RAB37: variants seen among roughly 807,000 people sequenced by gnomAD.
RAB37 encodes ras-related protein Rab-37.
In RAB37, 29 loss-of-function variants were observed where a neutral mutation model predicts 33.1. That is an observed-to-expected ratio of 0.88 (90% CI 0.65 to 1.20). RAB37 has a LOEUF of 1.20. Among genes scored for constraint, RAB37 ranks in the 50% most tolerant of loss-of-function variants. The pLI is 0.00. For missense variants in RAB37, 299 were observed against 301.1 expected (o/e 0.99, Z 0.05); for synonymous variants, 128 against 119.5 (o/e 1.07, Z -0.47).
intron 1 of RAB37, among the ~76,000 whole-genome samples, chr17:74,706,961 AT>A (rs1363346074): frequency 6.6e-6 from 1 of 152,234 alleles, no homozygotes; most frequent in Non-Finnish European, 1.5e-5. Context: ...CCGGACCTTT[AT>A]CTCACAACAT....
At chr17:74,720,097 C>A (rs1466096557) in intron 1 of RAB37, among the ~76,000 whole-genome samples, 1 of 152,106 alleles carries the variant, frequency 6.6e-6, no homozygotes, top group African/African-American at 2.4e-5. Flanking sequence ...GACCCTTTTG[C>A]AGGTAGGAAC....
At chr17:74,718,656 C>A (rs2034200838) in intron 1 of RAB37, among the ~76,000 whole-genome samples, 1 of 152,200 alleles carries the variant, frequency 6.6e-6, no homozygotes, top group Non-Finnish European at 1.5e-5. Context: ...CAGTGCAATG[C>A]ACCTCCTCAA....
chr17:74,704,766 C>T, intron 1 of RAB37: 1 of 1,614,156 alleles, frequency 6.2e-7, no homozygotes, highest in Non-Finnish European at 8.5e-7. Context: ...GAGCCCCGCT[C>T]CAAGCCATTC....
intron 1 of RAB37, among the ~76,000 whole-genome samples, chr17:74,680,454 G>T (rs2031930166): frequency 6.6e-6 from 1 of 152,122 alleles, no homozygotes; most frequent in Non-Finnish European, 1.5e-5. Flanking sequence ...ATTATAATCA[G>T]GAGATTTTTT....
intron 1 of RAB37, among the ~76,000 whole-genome samples, chr17:74,686,216 CA>C (rs1278440183): frequency 6.6e-6 from 1 of 152,060 alleles, no homozygotes; most frequent in Non-Finnish European, 1.5e-5. Context: ...CTCAGCATCC[CA>C]GGTAGCTGGG....
intron 4 of RAB37, 29 bp downstream of exon 4, chr17:74,743,224 C>T (rs1316579036): frequency 6.2e-7 from 1 of 1,613,670 alleles, no homozygotes; most frequent in South Asian, 1.1e-5. Context: ...CCAACCCCTA[C>T]CCCAGCCCCT....
Position 74,745,268 on chromosome 17 carries a change from C to CA in RAB37, c.567-37dup. The CA allele has an allele frequency of 6.3e-7, 1 of 1,595,056 alleles. No individual in the cohort carries two copies. The highest frequency in any genetic ancestry group is 8.6e-7 in the Non-Finnish European group (1 of 1,163,404). Reference sequence around the variant, plus strand: ...GGCGGCTCAGCTCCTCACCCCAGCCCAGCCCAGCCCAGCCCAGCCCATTGT... The same window carrying CA: ...GGCGGCTCAGCTCCTCACCCCAGCCCAAGCCCAGCCCAGCCCAGCCCATTGT... On this transcript the variant is annotated intron_variant, in intron 8 of 8. Transcript: ENST00000392613. This position sits in a 1 kb window ranked among gnomAD's most constrained non-coding sequence, Gnocchi z 4.5.
rs923183997 is a variant in RAB37, at chr17:74,728,755, T to C, written c.73-501T>C. Among the ~76,000 whole-genome samples the C allele has an allele frequency of 2.0e-5, 3 of 152,176 alleles. No individual in the cohort carries two copies. In the South Asian group the frequency reaches 6.2e-4, roughly 32 times the overall value. The stretch of plus-strand genomic sequence containing the variant: ...GTGTACATGTGTTTTTCTGTGTCTG[T>C]ATGTGTCTTGTGCATGTATGTTTCT... On this transcript the variant is annotated intron_variant, in intron 1 of 7. Transcript: ENST00000340415.
chr17:74,684,878 T>C (rs968165169), intron 1 of RAB37, among the ~76,000 whole-genome samples: 2 of 152,008 alleles, frequency 1.3e-5, no homozygotes, highest in Non-Finnish European at 1.5e-5. Context: ...GATAGATAGA[T>C]AGATAGATAG....
At chr17:74,702,232 A>G (rs1185160406) in intron 1 of RAB37, among the ~76,000 whole-genome samples, 1 of 152,008 alleles carries the variant, frequency 6.6e-6, no homozygotes, top group Non-Finnish European at 1.5e-5. Context: ...AAGAAATTAA[A>G]GGGGACGTTC....
chr17:74,698,899 G>T (rs1006833158), intron 1 of RAB37, among the ~76,000 whole-genome samples: 32 of 152,118 alleles, frequency 2.1e-4, no homozygotes, highest in Admixed American at 1.4e-3. Context: ...TTTAACAAAA[G>T]ATAGTTGTTT....
intron 1 of RAB37, chr17:74,705,345 A>T: frequency 1.5e-6 from 1 of 670,564 alleles, no homozygotes; most frequent in Admixed American, 2.0e-5. Context: ...TTTGAAGTTG[A>T]TCAAAACAGC....
intron 1 of RAB37, among the ~76,000 whole-genome samples, chr17:74,710,179 C>T (rs975785830): frequency 6.6e-6 from 1 of 151,366 alleles, no homozygotes; most frequent in Non-Finnish European, 1.5e-5. Flanking sequence ...GGGGTTTCAC[C>T]GTAGCCAGGA....
upstream of RAB37, chr17:74,737,214 G>GCC: frequency 1.6e-6 from 2 of 1,244,876 alleles, no homozygotes; most frequent in Non-Finnish European, 2.3e-6. Flanking sequence ...CGGGGGTGGG[G>GCC]CCGTTCCTGC....
chr17:74,706,843 C>A (rs1177521599), intron 1 of RAB37, among the ~76,000 whole-genome samples: 1 of 152,160 alleles, frequency 6.6e-6, no homozygotes, highest in African/African-American at 2.4e-5. Context: ...CAGCCCGGGT[C>A]CTGGGGAAAG....
At chr17:74,698,294 A>C in intron 1 of RAB37, 9 of 1,017,514 alleles carry the variant, frequency 8.8e-6, no homozygotes, top group Non-Finnish European at 1.2e-5. Flanking sequence ...AATCCCTTGG[A>C]CCAGATAGCT....
At chr17:74,702,398 G>A (rs1425521860) in intron 1 of RAB37, among the ~76,000 whole-genome samples, 1 of 152,154 alleles carries the variant, frequency 6.6e-6, no homozygotes, top group East Asian at 1.9e-4. Context: ...TCTGTAAAAT[G>A]GGAACATTTG....
At chr17:74,736,439 TG>T, upstream of RAB37, 1 of 707,436 alleles carries the variant, frequency 1.4e-6, no homozygotes, top group Non-Finnish European at 1.7e-6. Flanking sequence ...AGCTGCCGGG[TG>T]CCTGGGATAT....
rs148832946 is a variant in RAB37, at chr17:74,714,438, C to T, written c.73-14818C>T. On this transcript the variant is annotated intron_variant, in intron 1 of 7. Transcript: ENST00000340415. ...ACACACACACACACACACACACGCACGCACAGAGAGGTTCAGAGAGAAGGG... is the reference window on the plus strand; with the variant it reads ...ACACACACACACACACACACACGCATGCACAGAGAGGTTCAGAGAGAAGGG... 3.6e-3 allele frequency among the ~76,000 whole-genome samples: 540 copies of T among 151,674 alleles called. 3 individuals carry two copies. Among genetic ancestry groups the T allele is most frequent in the African/African-American group, 0.011 (446 of 41,330 alleles).
Sources: gnomAD v4.1 joint callset for allele counts (sites outside exome capture counted in the v4.1 genomes callset) on GRCh38, gnomAD v4.1.1 for gene constraint, Gnocchi (gnomAD v3.1) non-coding constraint, MANE v1.5 for transcripts, NCBI Gene and HGNC (gene_info 2026-07-23, HGNC 2026-07-21) for gene names.